Variants in BTK observed in about 807,000 individuals in gnomAD.
BTK encodes the protein tyrosine-protein kinase BTK.
In BTK, 5 loss-of-function variants were observed where a neutral mutation model predicts 57.4. The observed-to-expected ratio is 0.09, with a 90% CI of 0.05 to 0.18. BTK has a LOEUF of 0.18. Ranked by LOEUF, BTK falls within the 10% of genes least tolerant of loss-of-function variation. The probability of loss-of-function intolerance (pLI) is 1.00; values close to 1 mark genes in which losing one functional copy is unlikely to be tolerated. For synonymous variants in BTK, 154 were observed against 174.3 expected (o/e 0.88, Z 0.92); for missense variants, 194 against 501.2 (o/e 0.39, Z 5.85).
chrX:101,379,425 CTTCTG>C (rs1300093617), intron 1 of BTK, among the ~76,000 whole-genome samples: 2 of 111,730 alleles, frequency 1.8e-5, no homozygotes, highest in East Asian at 5.6e-4. Flanking sequence ...TGGAATGGAA[CTTCTG>C]TTCCTTTCAG....
chrX:101,352,761 C>T (rs782123209), intron 18 of BTK, among the ~76,000 whole-genome samples: 5 of 110,681 alleles, frequency 4.5e-5, no homozygotes, highest in Admixed American at 1.9e-4. Context: ...TAGCTGGGCA[C>T]GGTGGCATGT....
chrX:101,351,543 G>A (rs1157296845), intron 18 of BTK, among the ~76,000 whole-genome samples: 2 of 111,172 alleles, frequency 1.8e-5, no homozygotes, highest in African/African-American at 6.5e-5. Flanking sequence ...AGCCATGCTC[G>A]GATCCAGATA....
chrX:101,372,792 T>A (rs180968230), intron 3 of BTK, among the ~76,000 whole-genome samples: 51 of 106,820 alleles, frequency 4.8e-4, no homozygotes, highest in Middle Eastern at 4.8e-3. Context: ...ATTTAAAATA[T>A]CTAGTGTTGG....
chrX:101,374,458 T>C (rs1927140706), intron 3 of BTK, 78 bp downstream of exon 3: 4 of 834,667 alleles, frequency 4.8e-6, no homozygotes, highest in Non-Finnish European at 7.2e-6. Flanking sequence ...GCATCACCAG[T>C]CTATTTACAG....
chrX:101,379,755 GAGGAAATGGTGGTAAATAC>G (rs1927349721), intron 1 of BTK, among the ~76,000 whole-genome samples: 1 of 111,415 alleles, frequency 9.0e-6, no homozygotes, highest in South Asian at 3.7e-4. Context: ...TTCAGCAAGA[GAGGAAATGGTGGTAAATAC>G]AGGAGATAAG....
At position 101,359,537 on chromosome X, in the gene BTK, A is replaced by G. The variant is rs150039743; in HGVS notation, c.840-190T>C. On this transcript the variant is annotated intron_variant, in intron 9 of 18. Transcript: ENST00000308731. ...AGGTTGGCATTGAAGATTCATGGAA[A>G]TGGAGAGTAGCAGGCAAAGGCAAGC... Among the ~76,000 whole-genome samples, 893 of 111,914 alleles carry G rather than the reference A, an allele frequency of 8.0e-3. 3 individuals are homozygous for G. Among genetic ancestry groups the G allele is most frequent in the Non-Finnish European group, 0.013 (695 of 53,167 alleles).
chrX:101,356,827 A>G lies in BTK; in HGVS notation c.1306T>C (p.Ser436Pro). The change falls in exon 14 of 19, where the codon TCC becomes CCC. Residue 436 changes from serine (S) to proline (P), a missense_variant. Ser to Pro is a moderately conservative substitution (Grantham distance 74, BLOSUM62 -1). Transcript: ENST00000308731. ...DVAIKMIKEG[S>P]MSEDEFIEEA... ...TCAATGAATTCATCTTCAGACATGG[A>G]GCCTTCTTTGATCATCTTGATGGCC... is the stretch of plus-strand genomic sequence containing the variant. 8.3e-7 allele frequency: 1 copy of G among 1,211,604 alleles called. No individual in the cohort carries two copies.
upstream of BTK, among the ~76,000 whole-genome samples, chrX:101,389,231 C>T (rs1927709102): frequency 9.0e-6 from 1 of 111,108 alleles, no homozygotes; most frequent in Non-Finnish European, 1.9e-5. Flanking sequence ...ATGTTGTACA[C>T]CTTGAATATA....
At position 101,349,693 on chromosome X, in the gene BTK, C is replaced by A. The variant is rs1057403; in HGVS notation, c.*192G>T. 2 of 445,080 alleles carry A rather than the reference C, an allele frequency of 4.5e-6. No homozygotes were observed. The highest frequency in any genetic ancestry group is 3.4e-5 in the East Asian group (1 of 29,057). 36.7% of individuals were successfully genotyped at this position (445,080 alleles called of 1,213,427 possible). A position where few individuals can be genotyped will look rare whatever the true frequency, so the allele number is the denominator to read the frequency against. On this transcript the variant is annotated 3_prime_UTR_variant, in exon 19 of 19. Transcript: ENST00000308731. Reference sequence around the variant, plus strand: ...CGGGAAATTTCAGGCACAATAATTTCTTGGCCTTTGCTCAGAAGCCACTAT... The same window carrying A: ...CGGGAAATTTCAGGCACAATAATTTATTGGCCTTTGCTCAGAAGCCACTAT...
chrX:101,390,762 G>A, upstream of BTK: 1 of 463,782 alleles, frequency 2.2e-6, no homozygotes, highest in Non-Finnish European at 3.7e-6. Context: ...ACGCCACTAC[G>A]TAGCAGAGTC....
intron 9 of BTK, among the ~76,000 whole-genome samples, chrX:101,359,577 G>A (rs782093136): frequency 5.4e-4 from 60 of 111,592 alleles, no homozygotes; most frequent in African/African-American, 1.9e-3. Context: ...GGGAGTTGCA[G>A]GGAAGAGATC....
In BTK at chrX:101,353,404, G is replaced by C. The variant is rs181038245; in HGVS notation, c.1751-53C>G. 3.5e-5 allele frequency: 39 copies of C among 1,107,841 alleles called. No individual in the cohort carries two copies. In the East Asian group the frequency reaches 7.2e-4, roughly 20 times the overall value. The allele number at this position is 1,107,841 out of a possible 1,213,427, so 91.3% of individuals were successfully genotyped here. A position where few individuals can be genotyped will look rare whatever the true frequency, so the allele number is the denominator to read the frequency against. Reference sequence around the variant, plus strand: ...GGTTTGCAGTCTTTTTGGATAGCAGGGGTCCTAGTCTTCCTAGATCAACCT... The same window carrying C: ...GGTTTGCAGTCTTTTTGGATAGCAGCGGTCCTAGTCTTCCTAGATCAACCT... On this transcript the variant is annotated intron_variant, in intron 17 of 18. Coordinates refer to ENST00000308731, the MANE Select transcript of BTK (RefSeq NM_000061.3).
At chrX:101,357,438 TA>T in intron 13 of BTK, 70 bp downstream of exon 13, 1 of 1,005,301 alleles carries the variant, frequency 9.9e-7, no homozygotes, top group Non-Finnish European at 1.4e-6. Context: ...GGACACTCCC[TA>T]AGGCAAGGCC....
In BTK at chrX:101,381,800, C is replaced by T. The variant is rs782233578; in HGVS notation, c.-31+4262G>A. 7.2e-5 allele frequency among the ~76,000 whole-genome samples: 8 copies of T among 110,654 alleles called. No homozygotes were observed. In the South Asian group the frequency reaches 3.1e-3, roughly 42 times the overall value. On this transcript the variant is annotated intron_variant, in intron 1 of 18. Transcript: ENST00000308731. ...ATCCCAGCACTTTGGGAGGCTGAGG[C>T]GGCTGGATGGCAAGGTCAGGAGTTT...
chrX:101,353,131 G>T, intron 18 of BTK, 63 bp downstream of exon 18: 1 of 1,057,284 alleles, frequency 9.5e-7, no homozygotes, highest in Non-Finnish European at 1.3e-6. Flanking sequence ...GTGGCTGAAT[G>T]GCCAGCTAAA....
At chrX:101,357,626 G>T in intron 12 of BTK, 43 bp from the exon 13 acceptor site, 2 of 1,056,280 alleles carry the variant, frequency 1.9e-6, no homozygotes, top group Non-Finnish European at 1.3e-6. Context: ...TGGTGTAGGA[G>T]GTGGGATGCC....
chrX:101,362,944 T>C (rs1603010690), intron 5 of BTK: 1 of 402,759 alleles, frequency 2.5e-6, no homozygotes, highest in East Asian at 4.3e-5. Context: ...AAGATAAGAC[T>C]ATCTGATGGC....
intron 1 of BTK, among the ~76,000 whole-genome samples, chrX:101,378,268 G>T (rs1927282926): frequency 9.0e-6 from 1 of 110,624 alleles, no homozygotes; most frequent in Admixed American, 9.6e-5. Flanking sequence ...ATTTTTAGTA[G>T]AGGTGGGGTT....
In BTK at chrX:101,367,915, T is replaced by C. The variant is rs142717574; in HGVS notation, c.391+2083A>G. ...ACACAACTACTGATCCCTTTCTGTG[T>C]GCAAGGCGCTGTATGAGGCATTGTG... On this transcript the variant is annotated intron_variant, in intron 5 of 18. Coordinates refer to ENST00000308731, the MANE Select transcript of BTK (RefSeq NM_000061.3). Among the ~76,000 whole-genome samples the C allele has an allele frequency of 4.7e-3, 522 of 111,507 alleles. 2 individuals are homozygous for C. Among genetic ancestry groups the C allele is most frequent in the African/African-American group, 0.016 (502 of 30,737 alleles).
Sources: allele counts gnomAD v4.1 joint callset (sites outside exome capture counted in the v4.1 genomes callset), GRCh38; gene constraint gnomAD v4.1.1; transcripts MANE v1.5; gene names NCBI Gene and HGNC (gene_info 2026-07-23, HGNC 2026-07-21).